Variants in TMPO observed in about 807,000 individuals in gnomAD.
The protein encoded by TMPO is thymopoietin.
TMPO carries 22 observed loss-of-function variants against 45.4 expected under a neutral mutation model. That is an observed-to-expected ratio of 0.48 (90% confidence interval 0.35 to 0.69). The LOEUF is 0.69. Ranked by LOEUF, TMPO falls within the 30% of genes least tolerant of loss-of-function variation. The pLI is 0.01. For missense variants in TMPO, 512 were observed against 548.8 expected, an observed-to-expected ratio of 0.93 and a Z score of 0.67; for synonymous variants, 241 against 204.1, an observed-to-expected ratio of 1.18 and a Z score of -1.54.
chr12:98,519,442 G>C (rs1876158119), intron 1 of TMPO, among the ~76,000 whole-genome samples: 1 of 152,122 alleles, frequency 6.6e-6, no homozygotes. Flanking sequence ...CAGGTGATCT[G>C]TCCCCCTGGG....
At chr12:98,519,830 TATA>T (rs1007371904) in intron 1 of TMPO, among the ~76,000 whole-genome samples, 19 of 152,218 alleles carry the variant, frequency 1.2e-4, no homozygotes, top group African/African-American at 4.3e-4. Flanking sequence ...AAAAGAAATT[TATA>T]ATAATTTATG....
chr12:98,532,947 T>A, intron 3 of TMPO: 1 of 1,614,134 alleles, frequency 6.2e-7, no homozygotes, highest in Non-Finnish European at 8.5e-7. Flanking sequence ...TCTCCACCCG[T>A]CCTCCTTTGG....
rs186285844 is a variant in TMPO at position 98,549,062 on chromosome 12, A to C, written c.*1204A>C. The C allele has an allele frequency of 6.6e-6, 1 of 152,402 alleles. No individual in the cohort carries two copies. Among genetic ancestry groups the C allele is most frequent in the African/African-American group, 2.4e-5 (1 of 41,564 alleles). 9.4% of individuals were successfully genotyped at this position (152,402 alleles called of 1,614,324 possible). ...TTTGAACCCAGGAGGCAGAGGTTGC[A>C]GTGAGCAGAGATTACGTCACTGCAC... On this transcript the variant is annotated 3_prime_UTR_variant, in exon 9 of 9. Coordinates refer to ENST00000556029, the MANE Select transcript of TMPO (RefSeq NM_001032283.3).
At chr12:98,545,110 G>T in intron 7 of TMPO, 49 bp downstream of exon 7, 20 of 1,093,028 alleles carry the variant, frequency 1.8e-5, no homozygotes, top group Middle Eastern at 2.1e-4. Context: ...TTTCAAAGAG[G>T]AAATATAAAT....
intron 1 of TMPO, chr12:98,516,349 G>C (rs1194168624): frequency 8.2e-7 from 1 of 1,220,646 alleles, no homozygotes; most frequent in African/African-American, 1.6e-5. Flanking sequence ...CGCGGGGTTC[G>C]CGTTCTTTGA....
rs1370436324 is a variant in TMPO at position 98,515,773 on chromosome 12, C to T, written c.-95C>T. 6.5e-6 allele frequency: 10 copies of T among 1,547,718 alleles called. No homozygotes were observed. Among genetic ancestry groups the T allele is most frequent in the East Asian group, 2.4e-5 (1 of 40,826 alleles). On this transcript the variant is annotated 5_prime_UTR_variant, in exon 1 of 9. Coordinates refer to ENST00000556029, the MANE Select transcript of TMPO (RefSeq NM_001032283.3). Reference sequence around the variant, plus strand: ...CTTCCCGGGCAGGAGCCGTGAGGCTCGGAGGCGGCAGCGCGGTCCCCGGCC... The same window carrying T: ...CTTCCCGGGCAGGAGCCGTGAGGCTTGGAGGCGGCAGCGCGGTCCCCGGCC...
rs398044704 is a variant in TMPO, at chr12:98,521,100, A to ATTTTTTTT, written c.279+4972_279+4979dup. ...CTATTTAATCATGGGTTTATGAGGA[A>ATTTTTTTT]TTTTTTTTTTTTTTTTTTTTTTTTT... On this transcript the variant is annotated intron_variant, in intron 1 of 8. Transcript: ENST00000556029. Among the ~76,000 whole-genome samples the ATTTTTTTT allele has an allele frequency of 6.1e-3, 472 of 76,752 alleles. 36 individuals are homozygous for ATTTTTTTT. The highest frequency in any genetic ancestry group is 0.024 in the African/African-American group (429 of 17,790). 50.4% of individuals were successfully genotyped at this position (76,752 alleles called of 152,430 possible). A position where few individuals can be genotyped will look rare whatever the true frequency, so the allele number is the denominator to read the frequency against.
At chr12:98,542,555 T>A (rs1446308647) in intron 4 of TMPO, among the ~76,000 whole-genome samples, 4 of 152,166 alleles carry the variant, frequency 2.6e-5, no homozygotes, top group African/African-American at 9.6e-5. Context: ...AGTTGGTAAT[T>A]TGACTATTAA....
intron 3 of TMPO, chr12:98,532,723 T>C: frequency 6.4e-7 from 1 of 1,568,092 alleles, no homozygotes; most frequent in East Asian, 2.2e-5. Context: ...GAAATTATAG[T>C]CTTTTCCTTT....
At position 98,547,752 on chromosome 12, in the gene TMPO, T is replaced by C. The variant is rs1410621741; in HGVS notation, c.1259T>C (p.Phe420Ser). Reference protein sequence around the residue: ...SIPVWIKILLFVVVAVFLFLV... With the variant: ...SIPVWIKILLSVVVAVFLFLV... ...CCCGTATGGATAAAAATTTTGCTGT[T>C]TGTTGTTGTGGCAGTTTTTTTGTTT... Residue 420 changes from phenylalanine (F) to serine (S), a missense_variant, in exon 9 of 9, where the codon TTT becomes TCT. Physicochemically the swap from Phe to Ser is radical, Grantham distance 155 (BLOSUM62 -2). This residue lies in a region of TMPO where 209 missense variants were observed against 235.1 expected (regional missense o/e 0.89). Transcript: ENST00000556029. 2 of 1,614,074 alleles carry C rather than the reference T, an allele frequency of 1.2e-6. No homozygotes were observed. The highest frequency in any genetic ancestry group is 2.7e-5 in the African/African-American group (2 of 74,926).
Position 98,547,851 on chromosome 12 carries a change from C to A in TMPO, c.1358C>A (p.Ser453Tyr). ...TTTCTTCATGTTGACCCTAGAAAAT[C>A]CAACTGAATGGTATCTCTTTGGCAC... ...SNFLHVDPRK[S>Y]N The change falls in exon 9 of 9, where the codon TCC becomes TAC. Residue 453 changes from serine (S) to tyrosine (Y), a missense_variant. Around this residue, in one of 3 missense-constraint regions of TMPO, gnomAD observed 209 missense variants for 235.1 expected, o/e 0.89. Coordinates refer to ENST00000556029, the MANE Select transcript of TMPO (RefSeq NM_001032283.3). 1.2e-6 allele frequency: 2 copies of A among 1,613,962 alleles called. No individual in the cohort carries two copies. The highest frequency in any genetic ancestry group is 1.1e-5 in the South Asian group (1 of 90,990).
Position 98,528,002 on chromosome 12 carries a change from T to A in TMPO, c.396T>A (p.Gly132=), listed in dbSNP as rs397516844. 616 of 1,613,908 alleles carry A rather than the reference T, an allele frequency of 3.8e-4. 9 individuals are homozygous for A. In the South Asian group the frequency reaches 6.4e-3, roughly 17 times the overall value. The change falls in exon 2 of 9, where the codon GGT becomes GGA. Residue 132 remains glycine (G), a synonymous_variant. Transcript: ENST00000556029. ...TTGTGAAATACGGAGTGAATCCTGG[T>A]CCTATTGTGGGTAAGTTGATAAAAT... The part of the protein sequence containing the change: ...DQLVKYGVNP[G]PIVGTTRKLY...
At chr12:98,532,154 C>T (rs1344034357) in intron 3 of TMPO, 1 of 253,714 alleles carries the variant, frequency 3.9e-6, no homozygotes, top group African/African-American at 2.3e-5. Flanking sequence ...GTACCTATCA[C>T]CTCCACAGAA....
chr12:98,543,052 A>G (rs1878016727), intron 4 of TMPO, among the ~76,000 whole-genome samples: 1 of 152,168 alleles, frequency 6.6e-6, no homozygotes, highest in African/African-American at 2.4e-5. Context: ...ATACAAAACC[A>G]TGATTTATGA....
At chr12:98,535,362 T>C (rs922282940) in intron 3 of TMPO, 2 of 985,272 alleles carry the variant, frequency 2.0e-6, no homozygotes, top group Non-Finnish European at 2.4e-6. Context: ...TTCATTTCTG[T>C]GATTGTAAGT....
chr12:98,537,477 T>G lies in TMPO; in HGVS notation c.568T>G (p.Ser190Ala), dbSNP rs760342774. 13 of 1,611,256 alleles carry G rather than the reference T, an allele frequency of 8.1e-6. No individual in the cohort carries two copies. Among genetic ancestry groups the G allele is most frequent in the Admixed American group, 3.3e-5 (2 of 59,946 alleles). Residue 190 changes from serine (S) to alanine (A), a missense_variant and splice_region_variant, in exon 4 of 9, where the codon TCT becomes GCT. Around this residue, in one of 3 missense-constraint regions of TMPO, gnomAD observed 299 missense variants for 296.7 expected, o/e 1.01. Transcript: ENST00000556029. ...GGTTTCTCCAATGTTATTTCCAGACTCTAAAATAGAGCTCAAGCTTGAGAA... is the reference window on the plus strand; with the variant it reads ...GGTTTCTCCAATGTTATTTCCAGACGCTAAAATAGAGCTCAAGCTTGAGAA... Reference protein sequence around the residue: ...SDRYSDNEEDSKIELKLEKRE... With the variant: ...SDRYSDNEEDAKIELKLEKRE...
chr12:98,519,956 CT>C (rs1876208979), intron 1 of TMPO, among the ~76,000 whole-genome samples: 1 of 150,846 alleles, frequency 6.6e-6, no homozygotes, highest in Admixed American at 6.6e-5. Flanking sequence ...TTCTTTCTTT[CT>C]TTTTTTCTTT....
intron 1 of TMPO, among the ~76,000 whole-genome samples, chr12:98,519,088 T>C (rs1876126873): frequency 6.6e-6 from 1 of 151,948 alleles, no homozygotes; most frequent in Admixed American, 6.6e-5. Context: ...TTCACCGTGT[T>C]AGCCAGGATG....
Position 98,515,722 on chromosome 12 carries a change from G to A in TMPO, c.-146G>A, listed in dbSNP as rs1411271981. ...GGGTCTGGCTTGGCTTTGTGTCCGC[G>A]AGTTTTTGTTCCGCTCCGCAGCGCT... On this transcript the variant is annotated 5_prime_UTR_variant, in exon 1 of 9. Transcript: ENST00000556029. The A allele has an allele frequency of 1.3e-6, 2 of 1,505,524 alleles. No individual in the cohort carries two copies. Among genetic ancestry groups the A allele is most frequent in the Non-Finnish European group, 8.9e-7 (1 of 1,123,160 alleles). 93.3% of individuals were successfully genotyped at this position (1,505,524 alleles called of 1,614,324 possible). A position where few individuals can be genotyped will look rare whatever the true frequency, so the allele number is the denominator to read the frequency against.
Sources: allele counts gnomAD v4.1 joint callset (sites outside exome capture counted in the v4.1 genomes callset), GRCh38; gene constraint gnomAD v4.1.1; regional missense constraint gnomAD v4.1.1; transcripts MANE v1.5; gene names NCBI Gene and HGNC (gene_info 2026-07-23, HGNC 2026-07-21).